The following DICER1 variants were observed in gnomAD, a reference collection of about 807,000 sequenced individuals.
DICER1 encodes the protein endoribonuclease Dicer.
In DICER1, 43 loss-of-function variants were observed where a neutral mutation model predicts 194.1. The observed-to-expected ratio is 0.22, with a 90% confidence interval of 0.17 to 0.29. The LOEUF (loss-of-function observed/expected upper bound fraction) is 0.29, where lower values mean the gene tolerates loss of function less well. Among genes scored for constraint, DICER1 ranks in the 10% least tolerant of loss-of-function variants. The pLI is 1.00. For synonymous variants in DICER1, 832 were observed against 820.5 expected (o/e 1.01, Z -0.24); for missense variants, 1,608 against 2,317.0 (o/e 0.69, Z 6.28).
In DICER1 at chr14:95,089,848, T is replaced by G. The variant is rs535308545; in HGVS notation, c.*650A>C. On this transcript the variant is annotated 3_prime_UTR_variant, in exon 27 of 27. Transcript: ENST00000343455. ...GTTTCACTTTTAAGGCAAGAACCCT[T>G]TTTTATGCAAGACTATGTGGCATCA... is the stretch of plus-strand genomic sequence containing the variant. 4 of 232,624 alleles carry G rather than the reference T, an allele frequency of 1.7e-5. No homozygotes were observed. The South Asian group carries it at 7.2e-4, about 42-fold the overall frequency. 14.4% of individuals were successfully genotyped at this position (232,624 alleles called of 1,614,324 possible). A position where few individuals can be genotyped will look rare whatever the true frequency, so the allele number is the denominator to read the frequency against.
At chr14:95,131,804 C>CA (rs1473307483) in intron 3 of DICER1, among the ~76,000 whole-genome samples, 165 bp from the exon 4 acceptor site, 1 of 152,014 alleles carries the variant, frequency 6.6e-6, no homozygotes. Context: ...GGTTATCCTC[C>CA]AAAAAAATGG....
Position 95,091,108 on chromosome 14 carries a change from T to G in DICER1, c.5529A>C (p.Glu1843Asp). The change falls in exon 26 of 27, where the codon GAA becomes GAC. Residue 1843 changes from glutamate to aspartate, a missense_variant and splice_region_variant. By Grantham distance (45) the Glu-to-Asp change is conservative (BLOSUM62 2). Transcript: ENST00000343455. ...VYYPMMRPLI[E>D]KFSANVPRSP... ...AACGGGGTACATTTGCAGAAAACTTTTCTGCAATCAAAATGAAAGAATAAT... is the reference window on the plus strand; with the variant it reads ...AACGGGGTACATTTGCAGAAAACTTGTCTGCAATCAAAATGAAAGAATAAT... The G allele has an allele frequency of 6.2e-7, 1 of 1,614,146 alleles. No homozygotes were observed. Among genetic ancestry groups the G allele is most frequent in the Non-Finnish European group, 8.5e-7 (1 of 1,180,010 alleles).
chr14:95,102,485 A>G (rs1341394313), intron 21 of DICER1, among the ~76,000 whole-genome samples: 2 of 152,056 alleles, frequency 1.3e-5, no homozygotes, highest in Non-Finnish European at 2.9e-5. Context: ...GTATTTCCAC[A>G]CTTCTGACTG....
Position 95,107,680 on chromosome 14 carries a change from C to T in DICER1, c.2732G>A (p.Ser911Asn), listed in dbSNP as rs771697618. 3.1e-6 allele frequency: 5 copies of T among 1,612,564 alleles called. No homozygotes were observed. In the Admixed American group the frequency reaches 5.0e-5, roughly 16 times the overall value. The change falls in exon 17 of 27, where the codon AGT becomes AAT. Residue 911 changes from serine to asparagine, a missense_variant. This residue lies in a region of DICER1 where 150 missense variants were observed against 216.0 expected (regional missense o/e 0.69). Coordinates refer to ENST00000343455, the MANE Select transcript of DICER1 (RefSeq NM_177438.3). The stretch of plus-strand genomic sequence containing the variant: ...GGGTGTTTCTTTTGTATACTTTGTA[C>T]TGGGAATGCCTATGCGAGCTTCAGA... ...EKSEARIGIP[S>N]TKYTKETPFV...
chr14:95,118,831 A>G (rs2140148559), intron 8 of DICER1, among the ~76,000 whole-genome samples: 1 of 152,260 alleles, frequency 6.6e-6, no homozygotes, highest in East Asian at 1.9e-4. Flanking sequence ...AAACAGACTA[A>G]TAATAAAGAG....
intron 1 of DICER1, among the ~76,000 whole-genome samples, chr14:95,137,185 G>GAAGGAAAAGGGGAAGGGGA (rs1271468642): frequency 3.4e-5 from 5 of 146,878 alleles, no homozygotes; most frequent in African/African-American, 1.3e-4. Context: ...AGGGGAAGGA[G>GAAGGAAAAGGGGAAGGGGA]AAGGAAAAGG....
intron 21 of DICER1, 104 bp from the exon 22 acceptor site, chr14:95,100,039 A>G (rs562733402): frequency 8.1e-7 from 1 of 1,236,618 alleles, no homozygotes; most frequent in East Asian, 2.5e-5. Context: ...AAATTAATCA[A>G]TTAATTATAT....
chr14:95,099,976 A>C (rs1362280475), intron 21 of DICER1, 41 bp from the exon 22 acceptor site: 1 of 1,609,778 alleles, frequency 6.2e-7, no homozygotes, highest in Non-Finnish European at 8.5e-7. Flanking sequence ...ATAAATGATC[A>C]CTGCTGGAAT....
Position 95,105,594 on chromosome 14 carries a change from G to A in DICER1, c.3093+84C>T, listed in dbSNP as rs1163430453. On this transcript the variant is annotated intron_variant, in intron 19 of 26. Coordinates refer to ENST00000343455, the MANE Select transcript of DICER1 (RefSeq NM_177438.3). This position sits in a 1 kb window ranked among gnomAD's most constrained non-coding sequence, Gnocchi z 4.9. The stretch of plus-strand genomic sequence containing the variant: ...AATTAACGAATCATGCATTTAACTT[G>A]GTAAGATAAAATTCAAACTTATCTT... 13 of 1,056,464 alleles carry A rather than the reference G, an allele frequency of 1.2e-5. No homozygotes were observed. Among genetic ancestry groups the A allele is most frequent in the Non-Finnish European group, 1.7e-5 (12 of 692,098 alleles). The allele number at this position is 1,056,464 out of a possible 1,614,324, so 65.4% of individuals were successfully genotyped here.
chr14:95,096,033 T>G lies in DICER1; in HGVS notation c.4887A>C (p.Ser1629=). The G allele has an allele frequency of 6.2e-7, 1 of 1,614,234 alleles. No individual in the cohort carries two copies. Among genetic ancestry groups the G allele is most frequent in the Non-Finnish European group, 8.5e-7 (1 of 1,180,044 alleles). Reference sequence around the variant, plus strand: ...CCGAGTCTTTCAATACAGAAGAGCGTGAACTGGCCACAGAAGCAGCAGCAC... The same window carrying G: ...CCGAGTCTTTCAATACAGAAGAGCGGGAACTGGCCACAGAAGCAGCAGCAC... ...VSCAAASVAS[S]RSSVLKDSEY... The change falls in exon 23 of 27, where the codon TCA becomes TCC. Residue 1629 remains serine, a synonymous_variant. Coordinates refer to ENST00000343455, the MANE Select transcript of DICER1 (RefSeq NM_177438.3).
intron 20 of DICER1, 133 bp from the exon 21 acceptor site, chr14:95,104,259 T>G (rs1891213012): frequency 1.3e-6 from 1 of 743,366 alleles, no homozygotes; most frequent in Non-Finnish European, 2.2e-6. Flanking sequence ...AGAAGCAAGT[T>G]TCCAAATTTT....
In DICER1 at chr14:95,133,479, T is replaced by C; in HGVS notation, c.-21A>G. On this transcript the variant is annotated 5_prime_UTR_variant, in exon 2 of 27. Coordinates refer to ENST00000343455, the MANE Select transcript of DICER1 (RefSeq NM_177438.3). ...TTCATTCATCCAGTGTTTCTTTCAT[T>C]GCATTTTTGTTCTAGCACAGCTTAC... The C allele has an allele frequency of 6.2e-7, 1 of 1,605,132 alleles. No homozygotes were observed. Among genetic ancestry groups the C allele is most frequent in the Non-Finnish European group, 8.5e-7 (1 of 1,174,962 alleles).
At chr14:95,109,122 G>A (rs1300448582) in intron 14 of DICER1, among the ~76,000 whole-genome samples, 2 of 152,166 alleles carry the variant, frequency 1.3e-5, no homozygotes, top group Admixed American at 6.5e-5. Context: ...TTACTGTAAA[G>A]AGAATATCTG....
At chr14:95,147,508 T>C (rs532766690) in intron 1 of DICER1, among the ~76,000 whole-genome samples, 1 of 152,266 alleles carries the variant, frequency 6.6e-6, no homozygotes, top group South Asian at 2.1e-4. Flanking sequence ...GTGGTAACAT[T>C]TACCTGAATA....
At chr14:95,146,824 T>G (rs1168029385) in intron 1 of DICER1, among the ~76,000 whole-genome samples, 3 of 152,184 alleles carry the variant, frequency 2.0e-5, no homozygotes, top group Non-Finnish European at 4.4e-5. Context: ...TGTAAATGGC[T>G]TTAAATGAAA....
In DICER1 at chr14:95,099,867, T is replaced by C; in HGVS notation, c.4119A>G (p.Ile1373Met). The change falls in exon 22 of 27, where the codon ATA becomes ATG. Residue 1373 changes from isoleucine to methionine, a missense_variant. Transcript: ENST00000343455. ...KGLPSRMVVS[I>M]FDPPVNWLPP... ...GAAGCCAATTCACAGGGGGATCAAATATTGACACCACCATGCGGCTGGGTA... is the reference window on the plus strand; with the variant it reads ...GAAGCCAATTCACAGGGGGATCAAACATTGACACCACCATGCGGCTGGGTA... 1 of 1,614,070 alleles carries C rather than the reference T, an allele frequency of 6.2e-7. No individual in the cohort carries two copies.
At chr14:95,100,111 T>C (rs530191290) in intron 21 of DICER1, among the ~76,000 whole-genome samples, 176 bp from the exon 22 acceptor site, 2 of 152,162 alleles carry the variant, frequency 1.3e-5, no homozygotes, top group African/African-American at 4.8e-5. Flanking sequence ...AAAAAGAATA[T>C]TAAATTCCCA....
At chr14:95,110,576 C>T (rs1006247735) in intron 14 of DICER1, among the ~76,000 whole-genome samples, 10 of 152,216 alleles carry the variant, frequency 6.6e-5, no homozygotes, top group South Asian at 6.2e-4. Context: ...GCTGGAGGAT[C>T]GGTACTATCT....
intron 6 of DICER1, among the ~76,000 whole-genome samples, chr14:95,128,525 T>C (rs551395486): frequency 6.6e-6 from 1 of 152,356 alleles, no homozygotes; most frequent in South Asian, 2.1e-4. Flanking sequence ...AAATATTACC[T>C]TTCCTTCTCA....
Sources: gnomAD v4.1 joint callset for allele counts (sites outside exome capture counted in the v4.1 genomes callset) on GRCh38, gnomAD v4.1.1 for gene constraint, gnomAD v4.1.1 regional missense constraint, Gnocchi (gnomAD v3.1) non-coding constraint, MANE v1.5 for transcripts, NCBI Gene and HGNC (gene_info 2026-07-23, HGNC 2026-07-21) for gene names.